Variants in ZPBP observed in about 807,000 individuals in gnomAD.
The protein encoded by ZPBP is zona pellucida-binding protein 1.
In ZPBP, 26 loss-of-function variants were observed where a neutral mutation model predicts 44.8. The ratio of observed to expected loss-of-function variants is 0.58; its 90% confidence interval spans 0.43 to 0.81. The LOEUF (loss-of-function observed/expected upper bound fraction) is 0.81, where lower values mean the gene tolerates loss of function less well. Ranked by LOEUF, ZPBP falls within the 30% of genes least tolerant of loss-of-function variation. The pLI is 0.00. For synonymous variants in ZPBP, 174 were observed against 153.2 expected (o/e 1.14, Z -1.00); for missense variants, 409 against 434.0 (o/e 0.94, Z 0.51).
At chr7:49,925,321 T>G (rs1339739572) in intron 1 of ZPBP, among the ~76,000 whole-genome samples, 1 of 152,226 alleles carries the variant, frequency 6.6e-6, no homozygotes, top group African/African-American at 2.4e-5. Flanking sequence ...CAGATGGCAC[T>G]AATTTGCTAC....
chr7:49,845,742 G>T (rs1324451257), downstream of ZPBP, among the ~76,000 whole-genome samples: 1 of 152,220 alleles, frequency 6.6e-6, no homozygotes, highest in Non-Finnish European at 1.5e-5. Flanking sequence ...GCACTTCCCA[G>T]TACAAAACAG....
At chr7:50,030,428 A>T (rs1158916516) in intron 5 of ZPBP, among the ~76,000 whole-genome samples, 1 of 152,124 alleles carries the variant, frequency 6.6e-6, no homozygotes, top group African/African-American at 2.4e-5. Context: ...TAGATGGCCA[A>T]AAAAGAAAGA....
intron 2 of ZPBP, among the ~76,000 whole-genome samples, chr7:50,086,927 T>C (rs183845791): frequency 1.4e-3 from 220 of 152,128 alleles, no homozygotes; most frequent in African/African-American, 4.9e-3. Context: ...AAGGAGATAA[T>C]CTTGACAGTA....
chr7:49,897,915 T>C (rs1157726925), intron 2 of ZPBP, among the ~76,000 whole-genome samples: 1 of 152,138 alleles, frequency 6.6e-6, no homozygotes, highest in Non-Finnish European at 1.5e-5. Flanking sequence ...CGCTCACACT[T>C]CTTGCAGGGG....
chr7:50,093,152 G>C lies in ZPBP; in HGVS notation c.43C>G (p.Arg15Gly), dbSNP rs200431441. 1 of 1,540,788 alleles carries C rather than the reference G, an allele frequency of 6.5e-7. No individual in the cohort carries two copies. The highest frequency in any genetic ancestry group is 8.7e-7 in the Non-Finnish European group (1 of 1,145,222). Reference sequence around the variant, plus strand: ...AGCAGGGAGCCGGCGGCCCGGGTCCGCCGCCTGCCCCGCCGCGCTGGGCCA... The same window carrying C: ...AGCAGGGAGCCGGCGGCCCGGGTCCCCCGCCTGCCCCGCCGCGCTGGGCCA... ...ALGPARRGRR[R>G]TRAAGSLLSR... The change falls in exon 1 of 8, where the codon CGG becomes GGG. Residue 15 changes from arginine (R) to glycine (G), a missense_variant. Coordinates refer to ENST00000046087, the MANE Select transcript of ZPBP (RefSeq NM_007009.3).
At chr7:50,045,996 A>C (rs1288374087) in intron 4 of ZPBP, among the ~76,000 whole-genome samples, 1 of 152,236 alleles carries the variant, frequency 6.6e-6, no homozygotes, top group Non-Finnish European at 1.5e-5. Flanking sequence ...AATGCTACAC[A>C]TCTACAACCA....
intron 4 of ZPBP, among the ~76,000 whole-genome samples, chr7:50,038,594 C>A (rs952593591): frequency 1.3e-5 from 2 of 152,058 alleles, no homozygotes; most frequent in African/African-American, 2.4e-5. Flanking sequence ...GTGGGTACAC[C>A]CAAGCTGCAT....
chr7:49,921,567 T>C (rs1162786245), intron 1 of ZPBP: 2 of 152,158 alleles, frequency 1.3e-5, no homozygotes, highest in African/African-American at 4.8e-5. Flanking sequence ...GGGAGAGTGG[T>C]ATCAACCACT....
chr7:50,081,722 C>T, intron 3 of ZPBP, 52 bp downstream of exon 3: 2 of 1,588,522 alleles, frequency 1.3e-6, no homozygotes, highest in Admixed American at 1.7e-5. Flanking sequence ...TTTTGTGTTG[C>T]ACACAATTCA....
intron 6 of ZPBP, among the ~76,000 whole-genome samples, chr7:50,017,284 C>T (rs1361873333): frequency 6.6e-5 from 10 of 152,148 alleles, no homozygotes. Context: ...CTCACATGCA[C>T]AGTTCACAAT....
intron 6 of ZPBP, 126 bp from the exon 7 acceptor site, chr7:49,983,645 C>T: frequency 1.6e-6 from 1 of 607,790 alleles, no homozygotes; most frequent in East Asian, 2.9e-5. Context: ...TTTTCTTGCA[C>T]TCACAGACTA....
At chr7:50,068,068 CTTTGA>C (rs1294064230) in intron 3 of ZPBP, among the ~76,000 whole-genome samples, 1 of 152,054 alleles carries the variant, frequency 6.6e-6, no homozygotes, top group Non-Finnish European at 1.5e-5. Context: ...GTCAAGGCTT[CTTTGA>C]TTTTTTTTTA....
chr7:49,846,946 G>C (rs761756756), downstream of ZPBP, among the ~76,000 whole-genome samples: 6 of 152,200 alleles, frequency 3.9e-5, no homozygotes, highest in Non-Finnish European at 8.8e-5. Context: ...TTAGCAGTTT[G>C]ACAGATTGCA....
At chr7:49,942,580 CT>C (rs1794934657) in intron 7 of ZPBP, 1 of 152,472 alleles carries the variant, frequency 6.6e-6, no homozygotes, top group Non-Finnish European at 1.5e-5. Flanking sequence ...CTCCTGAAAA[CT>C]TTTTAGCTTT....
chr7:49,958,737 G>T (rs1251064951), intron 7 of ZPBP, among the ~76,000 whole-genome samples: 1 of 152,168 alleles, frequency 6.6e-6, no homozygotes, highest in African/African-American at 2.4e-5. Context: ...TTAGTGCAGG[G>T]ATACACACAT....
chr7:50,050,090 G>T (rs1463713315), intron 4 of ZPBP, among the ~76,000 whole-genome samples: 1 of 151,794 alleles, frequency 6.6e-6, no homozygotes, highest in East Asian at 1.9e-4. Context: ...ATATGCAAAT[G>T]AAAGAAATCA....
chr7:50,018,533 T>C (rs1798929511), intron 5 of ZPBP, among the ~76,000 whole-genome samples: 1 of 152,056 alleles, frequency 6.6e-6, no homozygotes, highest in African/African-American at 2.4e-5. Context: ...ACTTAAGAAT[T>C]AATCAACTTT....
chr7:49,943,217 C>A, intron 7 of ZPBP: 1 of 316,020 alleles, frequency 3.2e-6, no homozygotes, highest in South Asian at 3.0e-5. Context: ...TCTTTTATGT[C>A]TTGCTGATAT....
At chr7:49,862,306 T>TG (rs1271277544) in intron 2 of ZPBP, among the ~76,000 whole-genome samples, 31 of 152,294 alleles carry the variant, frequency 2.0e-4, no homozygotes, top group African/African-American at 6.5e-4. Flanking sequence ...CAGCCTTTTT[T>TG]TGTGTGTCAA....
Sources: gnomAD v4.1 joint callset for allele counts (sites outside exome capture counted in the v4.1 genomes callset) on GRCh38, gnomAD v4.1.1 for gene constraint, MANE v1.5 for transcripts, NCBI Gene and HGNC (gene_info 2026-07-23, HGNC 2026-07-21) for gene names.